LNX1: variants seen among roughly 807,000 people sequenced by gnomAD.
The protein encoded by LNX1 is ligand of numb-protein X 1.
Under a neutral mutation model 68.4 loss-of-function variants are expected in LNX1, and 54 were observed. The ratio of observed to expected loss-of-function variants is 0.79; its 90% CI spans 0.63 to 0.99. The LOEUF (loss-of-function observed/expected upper bound fraction) is 0.99. Ranked by LOEUF, LNX1 falls within the 50% of genes least tolerant of loss-of-function variation. The pLI is 0.00. For synonymous variants in LNX1, 336 were observed against 350.0 expected (o/e 0.96, Z 0.45); for missense variants, 906 against 926.4 (o/e 0.98, Z 0.29).
chr4:53,528,491 G>A lies in LNX1; in HGVS notation c.381-20264C>T, dbSNP rs114707189. Among the ~76,000 whole-genome samples, 1,115 of 152,222 alleles carry A rather than the reference G, an allele frequency of 7.3e-3. 11 individuals carry two copies. The highest frequency in any genetic ancestry group is 0.025 in the African/African-American group (1,033 of 41,522). ...AATAAGACATTTTGAGATAGACCAC[G>A]TATGCACAATTATTACAATATATTG... On this transcript the variant is annotated intron_variant, in intron 2 of 10. Transcript: ENST00000263925.
At chr4:53,567,922 T>C (rs1371191158) in intron 2 of LNX1, among the ~76,000 whole-genome samples, 2 of 151,966 alleles carry the variant, frequency 1.3e-5, no homozygotes, top group African/African-American at 2.4e-5. Context: ...CCTTGACACA[T>C]ACACTCTCCC....
chr4:53,569,222 G>A (rs1282602096), intron 2 of LNX1, among the ~76,000 whole-genome samples: 2 of 151,932 alleles, frequency 1.3e-5, no homozygotes, highest in South Asian at 4.2e-4. Context: ...CTAAGCCAAA[G>A]GAACAAAGCT....
intron 9 of LNX1, among the ~76,000 whole-genome samples, chr4:53,473,461 C>A (rs150754187): frequency 6.6e-6 from 1 of 152,154 alleles, no homozygotes; most frequent in Non-Finnish European, 1.5e-5. Context: ...TCATGGAATA[C>A]GATGCAGTCA....
intron 1 of LNX1, among the ~76,000 whole-genome samples, chr4:53,647,203 T>A (rs1480085891): frequency 2.0e-5 from 3 of 152,236 alleles, no homozygotes; most frequent in Non-Finnish European, 4.4e-5. Context: ...TTTCTGACAA[T>A]CCTTTCACAT....
In LNX1 at chr4:53,649,759, C is replaced by G. The variant is rs191842206; in HGVS notation, c.-215+2409G>C. 9.5e-4 allele frequency among the ~76,000 whole-genome samples: 144 copies of G among 152,302 alleles called. 1 individual carries two copies. Among genetic ancestry groups the G allele is most frequent in the African/African-American group, 3.4e-3 (142 of 41,572 alleles). ...GTCTGGGCTAGGTGCCCTCCGATGG[C>G]AGGCTGTGTAGGGTCTCATTGTACT... On this transcript the variant is annotated intron_variant, in intron 1 of 2. Transcript: ENST00000507168.
chr4:53,541,427 T>C (rs1355828929), intron 2 of LNX1, among the ~76,000 whole-genome samples: 1 of 152,244 alleles, frequency 6.6e-6, no homozygotes, highest in Admixed American at 6.5e-5. Flanking sequence ...TTTTGGAAGA[T>C]GACACACTTG....
intron 1 of LNX1, among the ~76,000 whole-genome samples, chr4:53,640,531 T>C (rs137896863): frequency 0.011 from 1,730 of 152,320 alleles, 25 homozygotes; most frequent in African/African-American, 0.036. Flanking sequence ...CACATACATT[T>C]CATTGCTAAA....
intron 1 of LNX1, among the ~76,000 whole-genome samples, chr4:53,630,677 A>T (rs555272004): frequency 7.2e-5 from 11 of 152,162 alleles, no homozygotes; most frequent in Non-Finnish European, 1.5e-4. Flanking sequence ...GATGTTAGTG[A>T]ACCAACAACA....
At chr4:53,600,992 C>T in intron 2 of LNX1, among the ~76,000 whole-genome samples, 1 of 148,522 alleles carries the variant, frequency 6.7e-6, no homozygotes, top group Admixed American at 6.8e-5. Context: ...GCAGGAGAAT[C>T]ACTTGAACCC....
At chr4:53,650,189 A>G (rs1735041725) in intron 1 of LNX1, among the ~76,000 whole-genome samples, 1 of 152,202 alleles carries the variant, frequency 6.6e-6, no homozygotes, top group South Asian at 2.1e-4. Flanking sequence ...AGACAGTGAC[A>G]ACACAGGTAC....
At position 53,459,519 on chromosome 4, in the gene LNX1, T is replaced by TA. The variant is rs757706312; in HGVS notation, c.*1387dup. The TA allele has an allele frequency of 4.6e-5, 74 of 1,598,048 alleles. No individual in the cohort carries two copies. The highest frequency in any genetic ancestry group is 6.3e-5 in the Non-Finnish European group (74 of 1,168,892). ...CTATAAATCTTGTTATTTTTCTGGA[T>TA]AATGTTTAAGAAATTTACCTTAAAT... On this transcript the variant is annotated 3_prime_UTR_variant, in exon 11 of 11. Coordinates refer to ENST00000263925, the MANE Select transcript of LNX1 (RefSeq NM_001126328.3).
chr4:53,585,540 G>A (rs1482589164), intron 1 of LNX1, among the ~76,000 whole-genome samples: 2 of 152,162 alleles, frequency 1.3e-5, no homozygotes, highest in East Asian at 3.9e-4. Flanking sequence ...ATGAGGTTTA[G>A]GATCTTGAGA....
Position 53,481,340 on chromosome 4 carries a change from G to A in LNX1, c.1485+380C>T, listed in dbSNP as rs184340340. ...GTAGCGGGGAAATCACTCATTTCTAGGCAGACTGAAAAATTCAAAAGCCAG... is the reference window on the plus strand; with the variant it reads ...GTAGCGGGGAAATCACTCATTTCTAAGCAGACTGAAAAATTCAAAAGCCAG... On this transcript the variant is annotated intron_variant, in intron 7 of 10. Coordinates refer to ENST00000263925, the MANE Select transcript of LNX1 (RefSeq NM_001126328.3). Among the ~76,000 whole-genome samples the A allele has an allele frequency of 2.0e-4, 31 of 152,272 alleles. 1 individual carries two copies. The highest frequency in any genetic ancestry group is 2.0e-3 in the Admixed American group (30 of 15,292).
At chr4:53,552,043 C>A (rs1454405378) in intron 2 of LNX1, among the ~76,000 whole-genome samples, 1 of 152,188 alleles carries the variant, frequency 6.6e-6, no homozygotes, top group Non-Finnish European at 1.5e-5. Context: ...GTATAATTTT[C>A]TCTCCAGATT....
Position 53,516,159 on chromosome 4 carries a change from T to C in LNX1, c.381-7932A>G, listed in dbSNP as rs200392918. Among the ~76,000 whole-genome samples the C allele has an allele frequency of 5.9e-5, 9 of 152,218 alleles. No homozygotes were observed. In the East Asian group the frequency reaches 1.7e-3, roughly 29 times the overall value. ...CAGGAGGCGGAGGCAGGAGGACTGCTTGAGCCCAGAAGTTCAAGCCTGCAG... is the reference window on the plus strand; with the variant it reads ...CAGGAGGCGGAGGCAGGAGGACTGCCTGAGCCCAGAAGTTCAAGCCTGCAG... On this transcript the variant is annotated intron_variant, in intron 2 of 10. Transcript: ENST00000263925.
intron 1 of LNX1, among the ~76,000 whole-genome samples, chr4:53,635,284 A>G (rs1177463317): frequency 6.6e-6 from 1 of 152,204 alleles, no homozygotes; most frequent in Non-Finnish European, 1.5e-5. Context: ...GAAGGAAAGC[A>G]CTGACGTTGT....
intron 1 of LNX1, among the ~76,000 whole-genome samples, chr4:53,640,523 C>T (rs1462763388): frequency 8.5e-5 from 13 of 152,164 alleles, no homozygotes; most frequent in Admixed American, 3.3e-4. Context: ...TATGAAAACA[C>T]ATACATTTCA....
In LNX1 at chr4:53,507,376, G is replaced by A; in HGVS notation, c.716C>T (p.Ala239Val). The change falls in exon 4 of 11, where the codon GCA becomes GTA. Residue 239 changes from alanine (A) to valine (V), a missense_variant. Physicochemically the swap from Ala to Val is moderately conservative, Grantham distance 64. Transcript: ENST00000263925. Reference sequence around the variant, plus strand: ...GCCCTGGTCGGCATGGTTGGCAACTGCACTCCCGCTCTTTGTCCTTCGAAG... The same window carrying A: ...GCCCTGGTCGGCATGGTTGGCAACTACACTCCCGCTCTTTGTCCTTCGAAG... The part of the protein sequence containing the change: ...SVLRRTKSGS[A>V]VANHADQGRE... The A allele has an allele frequency of 6.2e-7, 1 of 1,614,060 alleles. No individual in the cohort carries two copies. The highest frequency in any genetic ancestry group is 8.5e-7 in the Non-Finnish European group (1 of 1,180,006).
At chr4:53,468,988 A>T (rs1176154488) in intron 9 of LNX1, among the ~76,000 whole-genome samples, 3 of 152,208 alleles carry the variant, frequency 2.0e-5, no homozygotes, top group African/African-American at 7.2e-5. Flanking sequence ...CACCAAGCAG[A>T]CCTAATAGAC....
Sources: gnomAD v4.1 joint callset for allele counts (sites outside exome capture counted in the v4.1 genomes callset) on GRCh38, gnomAD v4.1.1 for gene constraint, MANE v1.5 for transcripts, NCBI Gene and HGNC (gene_info 2026-07-23, HGNC 2026-07-21) for gene names.